The following RAPGEF6 variants were observed in gnomAD, a reference collection of about 807,000 sequenced individuals.
The protein encoded by RAPGEF6 is PDZ domain containing guanine nucleotide exchange factor (GEF) 2.
A neutral mutation model predicts 171.4 loss-of-function variants in RAPGEF6; 56 were observed. The ratio of observed to expected loss-of-function variants is 0.33; its 90% CI spans 0.26 to 0.41. RAPGEF6 has a LOEUF of 0.41. Ranked by LOEUF, RAPGEF6 falls within the 10% of genes least tolerant of loss-of-function variation. The probability of loss-of-function intolerance (pLI) is 1.00; values close to 1 mark genes in which losing one functional copy is unlikely to be tolerated. For synonymous variants in RAPGEF6, 692 were observed against 650.1 expected (o/e 1.06, Z -0.98); for missense variants, 1,674 against 1,921.4 (o/e 0.87, Z 2.41).
rs1759839743 is a variant in RAPGEF6 at position 131,537,350 on chromosome 5, C to G, written c.495+10697G>C. 2.6e-5 allele frequency among the ~76,000 whole-genome samples: 4 copies of G among 152,178 alleles called. No individual in the cohort carries two copies. The South Asian group carries it at 8.3e-4, about 32-fold the overall frequency. On this transcript the variant is annotated intron_variant, in intron 6 of 27. Coordinates refer to ENST00000509018, the MANE Select transcript of RAPGEF6 (RefSeq NM_016340.6). ...ATGCCCTGCTCTGGTCCTCTCAGTA[C>G]TCAAGCATTTTATACATAGTGAATA... is the stretch of plus-strand genomic sequence containing the variant.
chr5:131,561,288 C>T (rs1292520393), intron 5 of RAPGEF6, among the ~76,000 whole-genome samples: 1 of 152,128 alleles, frequency 6.6e-6, no homozygotes, highest in African/African-American at 2.4e-5. Context: ...CTTTTCTCTA[C>T]TTCATTCTCT....
At chr5:131,461,270 T>C (rs1014491018) in intron 19 of RAPGEF6, among the ~76,000 whole-genome samples, 5 of 152,194 alleles carry the variant, frequency 3.3e-5, no homozygotes, top group African/African-American at 9.7e-5. Flanking sequence ...ATTATCAATG[T>C]TGTTGTTTCA....
Position 131,533,869 on chromosome 5 carries a change from T to G in RAPGEF6, c.496-12348A>C, listed in dbSNP as rs150634601. ...GTGTGGACTAAAAAAAATTGCCCCATTTTTCTATAGAAATTACAGAAAAAG... is the reference window on the plus strand; with the variant it reads ...GTGTGGACTAAAAAAAATTGCCCCAGTTTTCTATAGAAATTACAGAAAAAG... On this transcript the variant is annotated intron_variant, in intron 6 of 27. Transcript: ENST00000509018. Among the ~76,000 whole-genome samples the G allele has an allele frequency of 2.1e-3, 320 of 152,208 alleles. 1 individual carries two copies. The highest frequency in any genetic ancestry group is 7.5e-3 in the African/African-American group (310 of 41,544).
intron 6 of RAPGEF6, among the ~76,000 whole-genome samples, chr5:131,527,516 CT>C (rs1758961112): frequency 6.6e-6 from 1 of 152,104 alleles, no homozygotes; most frequent in African/African-American, 2.4e-5. Context: ...GGAGTAGCCA[CT>C]TTGGGGAGCA....
intron 18 of RAPGEF6, among the ~76,000 whole-genome samples, chr5:131,463,009 C>A (rs539822330): frequency 6.6e-6 from 1 of 152,268 alleles, no homozygotes; most frequent in East Asian, 1.9e-4. Flanking sequence ...TTAATCCTTA[C>A]AACATTCCCA....
chr5:131,501,465 A>G (rs1390274475), intron 11 of RAPGEF6, among the ~76,000 whole-genome samples: 1 of 152,154 alleles, frequency 6.6e-6, no homozygotes, highest in Non-Finnish European at 1.5e-5. Flanking sequence ...ATGTCACAAA[A>G]GCAACCCATC....
chr5:131,589,251 T>G (rs774614477), intron 4 of RAPGEF6, among the ~76,000 whole-genome samples: 3 of 152,222 alleles, frequency 2.0e-5, no homozygotes, highest in Non-Finnish European at 2.9e-5. Flanking sequence ...TATAGCCTTG[T>G]GTCCCATTAT....
At chr5:131,427,363 T>C in intron 27 of RAPGEF6, 72 bp from the exon 28 acceptor site, 1 of 1,306,378 alleles carries the variant, frequency 7.7e-7, no homozygotes, top group South Asian at 1.3e-5. Context: ...TAGTTATCTA[T>C]TTAGAAAATC....
chr5:131,519,936 A>G (rs1327547297), intron 7 of RAPGEF6, among the ~76,000 whole-genome samples: 1 of 152,186 alleles, frequency 6.6e-6, no homozygotes, highest in Admixed American at 6.5e-5. Context: ...TATTGTATTA[A>G]CTTGTTTCAT....
chr5:131,567,675 G>T (rs1341101030), intron 4 of RAPGEF6, among the ~76,000 whole-genome samples: 1 of 151,882 alleles, frequency 6.6e-6, no homozygotes, highest in Middle Eastern at 3.4e-3. Flanking sequence ...CCCTATCCTG[G>T]AGAATGACCC....
intron 1 of RAPGEF6, among the ~76,000 whole-genome samples, chr5:131,622,636 G>A (rs1423178796): frequency 6.6e-6 from 1 of 152,124 alleles, no homozygotes; most frequent in Non-Finnish European, 1.5e-5. Flanking sequence ...ATCGAGTTGG[G>A]AATCTCCAAC....
At chr5:131,443,944 G>C (rs970393410) in intron 22 of RAPGEF6, among the ~76,000 whole-genome samples, 19 of 152,146 alleles carry the variant, frequency 1.2e-4, no homozygotes, top group Non-Finnish European at 1.8e-4. Context: ...ATGAATGTGA[G>C]AATAAAAAAC....
At chr5:131,620,392 T>C (rs1765528558) in intron 1 of RAPGEF6, among the ~76,000 whole-genome samples, 1 of 152,210 alleles carries the variant, frequency 6.6e-6, no homozygotes, top group Non-Finnish European at 1.5e-5. Context: ...GGCTGACCCA[T>C]CAGCAACTCA....
At chr5:131,565,854 A>T (rs76252550) in intron 4 of RAPGEF6, among the ~76,000 whole-genome samples, 9,990 of 152,166 alleles carry the variant, frequency 0.066, 790 homozygotes, top group African/African-American at 0.19. Context: ...ATTAATTATA[A>T]GTGGATCAGA....
chr5:131,479,530 C>T lies in RAPGEF6; in HGVS notation c.2064G>A (p.Leu688=). 1 of 1,613,882 alleles carries T rather than the reference C, an allele frequency of 6.2e-7. No individual in the cohort carries two copies. The highest frequency in any genetic ancestry group is 1.3e-5 in the African/African-American group (1 of 74,978). The stretch of plus-strand genomic sequence containing the variant: ...TTACCTACCTAAATAGCTTTGGAGG[C>T]AAGATACTAAATCGTGTTTTATCCA... ...KILDKTRFSI[L]PPKLFSDGGL... is the part of the protein sequence containing the mutation. The change falls in exon 16 of 28, where the codon TTG becomes TTA. Residue 688 remains leucine (L), a synonymous_variant. Coordinates refer to ENST00000509018, the MANE Select transcript of RAPGEF6 (RefSeq NM_016340.6).
At chr5:131,471,429 C>T (rs886960496) in intron 17 of RAPGEF6, among the ~76,000 whole-genome samples, 1 of 152,154 alleles carries the variant, frequency 6.6e-6, no homozygotes, top group African/African-American at 2.4e-5. Context: ...TACTACTGTA[C>T]TTATATTTCC....
intron 26 of RAPGEF6, 113 bp downstream of exon 26, chr5:131,430,746 A>G: frequency 7.3e-7 from 1 of 1,368,614 alleles, no homozygotes; most frequent in Non-Finnish European, 1.0e-6. Flanking sequence ...AAGGAAAGAA[A>G]GGTTGTTAGA....
At chr5:131,524,007 TTGAG>T (rs1269742530) in intron 6 of RAPGEF6, among the ~76,000 whole-genome samples, 1 of 152,114 alleles carries the variant, frequency 6.6e-6, no homozygotes, top group Non-Finnish European at 1.5e-5. Context: ...CAGAAGACAA[TTGAG>T]TGATATCTCC....
At position 131,442,387 on chromosome 5, in the gene RAPGEF6, G is replaced by A; in HGVS notation, c.3572C>T (p.Pro1191Leu). Residue 1191 changes from proline (P) to leucine (L), a missense_variant, in exon 23 of 28, where the codon CCC (proline) becomes CTC (leucine). Physicochemically the swap from Pro to Leu is moderately conservative, Grantham distance 98. This residue lies in a region of RAPGEF6 where 552 missense variants were observed against 574.2 expected (regional missense o/e 0.96). Coordinates refer to ENST00000509018, the MANE Select transcript of RAPGEF6 (RefSeq NM_016340.6). Reference sequence around the variant, plus strand: ...TTTTGTTTGTCCCTTCTTCCTGATGGGGTGCAAATTAACAGCTGGCACCTG... The same window carrying A: ...TTTTGTTTGTCCCTTCTTCCTGATGAGGTGCAAATTAACAGCTGGCACCTG... Reference protein sequence around the residue: ...VLQVPAVNLHPIRKKGQTKDP... With the variant: ...VLQVPAVNLHLIRKKGQTKDP... 4 of 1,614,046 alleles carry A rather than the reference G, an allele frequency of 2.5e-6. No individual in the cohort carries two copies. Among genetic ancestry groups the A allele is most frequent in the Non-Finnish European group, 3.4e-6 (4 of 1,179,974 alleles).
Sources: gnomAD v4.1 joint callset for allele counts (sites outside exome capture counted in the v4.1 genomes callset) on GRCh38, gnomAD v4.1.1 for gene constraint, gnomAD v4.1.1 regional missense constraint, MANE v1.5 for transcripts, NCBI Gene and HGNC (gene_info 2026-07-23, HGNC 2026-07-21) for gene names.